CRACDL: variants seen among roughly 807,000 people sequenced by gnomAD.
CRACDL encodes the protein CRACD like, also known as CRACD-like protein.
Under a neutral mutation model 70.6 loss-of-function variants are expected in CRACDL, and 26 were observed. The ratio of observed to expected loss-of-function variants is 0.37; its 90% CI spans 0.27 to 0.51. CRACDL has a LOEUF of 0.51. Among genes scored for constraint, CRACDL ranks in the 20% least tolerant of loss-of-function variants. The probability of loss-of-function intolerance (pLI) is 0.94; values close to 1 mark genes in which losing one functional copy is unlikely to be tolerated. For missense variants in CRACDL, 1,283 were observed against 1,376.9 expected (o/e 0.93, Z 1.08); for synonymous variants, 618 against 615.2 (o/e 1.00, Z -0.07).
intron 1 of CRACDL, among the ~76,000 whole-genome samples, chr2:98,884,709 A>T (rs1181268474): frequency 6.6e-6 from 1 of 151,946 alleles, no homozygotes; most frequent in Non-Finnish European, 1.5e-5. Flanking sequence ...GTGTTCCCTC[A>T]CTCCTGCTAT....
intron 1 of CRACDL, among the ~76,000 whole-genome samples, chr2:98,861,701 C>T (rs1706944027): frequency 6.6e-6 from 1 of 152,126 alleles, no homozygotes; most frequent in Non-Finnish European, 1.5e-5. Flanking sequence ...CAGAATCTGT[C>T]TGATGTAATT....
At chr2:98,827,273 C>T (rs1705345475) in intron 5 of CRACDL, 104 bp from the exon 6 acceptor site, 2 of 754,082 alleles carry the variant, frequency 2.7e-6, no homozygotes, top group East Asian at 5.1e-5. Flanking sequence ...TCTTCCCACA[C>T]TGTCTCTGGC....
At position 98,823,024 on chromosome 2, in the gene CRACDL, C is replaced by A; in HGVS notation, c.1249G>T (p.Asp417Tyr). ...PEGDTTPPET[D>Y]PAATSEAPSA... The stretch of plus-strand genomic sequence containing the variant: ...GGCGCCTCTGAGGTGGCGGCGGGGT[C>A]AGTCTCGGGGGGAGTCGTGTCCCCC... Residue 417 changes from aspartate to tyrosine, a missense_variant, in exon 7 of 10, where the codon GAC (aspartate) becomes TAC (tyrosine). Coordinates refer to ENST00000397899, the MANE Select transcript of CRACDL (RefSeq NM_207362.3). The surrounding 1 kb of genome is among the most constrained non-coding windows in gnomAD (Gnocchi z 4.0). The A allele has an allele frequency of 6.6e-7, 1 of 1,524,476 alleles. No individual in the cohort carries two copies. The highest frequency in any genetic ancestry group is 8.8e-7 in the Non-Finnish European group (1 of 1,136,298). The allele number at this position is 1,524,476 out of a possible 1,614,324, so 94.4% of individuals were successfully genotyped here. A position where few individuals can be genotyped will look rare whatever the true frequency, so the allele number is the denominator to read the frequency against.
chr2:98,890,989 G>A (rs1024821167), intron 1 of CRACDL, among the ~76,000 whole-genome samples: 6 of 151,752 alleles, frequency 4.0e-5, no homozygotes, highest in African/African-American at 1.5e-4. Context: ...CCCAGGAGAT[G>A]GAGGTTGCAG....
intron 1 of CRACDL, among the ~76,000 whole-genome samples, chr2:98,924,406 C>G (rs1488705109): frequency 6.6e-6 from 1 of 152,222 alleles, no homozygotes; most frequent in Non-Finnish European, 1.5e-5. Flanking sequence ...CAAAGATAAT[C>G]ATTTCTGCTT....
rs532450272 is a variant in CRACDL at position 98,902,063 on chromosome 2, G to T, written c.-11+33875C>A. Among the ~76,000 whole-genome samples, 12 of 152,268 alleles carry T rather than the reference G, an allele frequency of 7.9e-5. No homozygotes were observed. The South Asian group carries it at 1.9e-3, about 24-fold the overall frequency. On this transcript the variant is annotated intron_variant, in intron 1 of 9. Coordinates refer to ENST00000397899, the MANE Select transcript of CRACDL (RefSeq NM_207362.3). ...AAAAGGCCATTCTCCACTGTAAAAAGTTCCAAAGGTCTACAAAGGGAACAA... is the reference window on the plus strand; with the variant it reads ...AAAAGGCCATTCTCCACTGTAAAAATTTCCAAAGGTCTACAAAGGGAACAA...
At chr2:98,931,340 A>AG (rs1247987066) in intron 1 of CRACDL, among the ~76,000 whole-genome samples, 1 of 151,512 alleles carries the variant, frequency 6.6e-6, no homozygotes, top group East Asian at 1.9e-4. Flanking sequence ...AAAAAAAAAA[A>AG]AAAAAGACAC....
At chr2:98,797,253 C>T (rs1282108753) in intron 8 of CRACDL, 97 bp downstream of exon 8, 3 of 1,140,396 alleles carry the variant, frequency 2.6e-6, no homozygotes, top group Non-Finnish European at 3.8e-6. Context: ...CCCTGTGACG[C>T]CCATGCAGCA....
chr2:98,798,491 C>CA (rs1043306546), intron 7 of CRACDL, among the ~76,000 whole-genome samples: 15 of 123,282 alleles, frequency 1.2e-4, no homozygotes, highest in African/African-American at 3.3e-4. Context: ...CACTCTGTCT[C>CA]AAAAAAAAGA....
intron 1 of CRACDL, among the ~76,000 whole-genome samples, chr2:98,889,070 G>C (rs1211110629): frequency 6.7e-6 from 1 of 149,976 alleles, no homozygotes; most frequent in Non-Finnish European, 1.5e-5. Context: ...AGAGGTTGCA[G>C]AGAGCCGAGA....
chr2:98,897,837 A>G (rs1347767864), intron 1 of CRACDL, among the ~76,000 whole-genome samples: 3 of 152,244 alleles, frequency 2.0e-5, no homozygotes, highest in African/African-American at 7.2e-5. Flanking sequence ...AAACAGAGAC[A>G]GGGGGTGCAG....
intron 8 of CRACDL, 114 bp downstream of exon 8, chr2:98,797,236 T>A: frequency 2.1e-6 from 2 of 944,488 alleles, no homozygotes; most frequent in Non-Finnish European, 3.2e-6. Flanking sequence ...CCATCACAGG[T>A]GACGGTCCCT....
intron 1 of CRACDL, among the ~76,000 whole-genome samples, chr2:98,934,316 G>A (rs576136213): frequency 4.2e-4 from 63 of 150,792 alleles, no homozygotes; most frequent in African/African-American, 1.5e-3. Context: ...CCCCTGCCTC[G>A]GCCTCCCGAG....
intron 1 of CRACDL, among the ~76,000 whole-genome samples, chr2:98,930,121 G>T (rs139697960): frequency 1.5e-4 from 23 of 152,186 alleles, no homozygotes; most frequent in Admixed American, 1.4e-3. Context: ...AACCATCCCT[G>T]TGTCTCTCCA....
At chr2:98,813,091 A>G (rs1704640325) in intron 7 of CRACDL, among the ~76,000 whole-genome samples, 1 of 152,184 alleles carries the variant, frequency 6.6e-6, no homozygotes, top group Non-Finnish European at 1.5e-5. Context: ...CCTATGCTTC[A>G]GGACCATTTG....
At chr2:98,848,106 T>C (rs1706336132) in intron 1 of CRACDL, among the ~76,000 whole-genome samples, 1 of 152,220 alleles carries the variant, frequency 6.6e-6, no homozygotes, top group African/African-American at 2.4e-5. Context: ...TCATTATCTA[T>C]AAAATGAGGG....
In CRACDL at chr2:98,822,612, CTCTCGGCGCCCGCCGGTGGCGCCT is replaced by C; in HGVS notation, c.1637_1660del (p.Glu546_Arg554delinsGly). ...CTCCGCCTTCCGCTCTGGCGCCGCCCTCTCGGCGCCCGCCGGTGGCGCCTCGGCTCGCTCGGCCTTGGGGCGCTC... is the reference window on the plus strand; with the variant it reads ...CTCCGCCTTCCGCTCTGGCGCCGCCCCGGCTCGCTCGGCCTTGGGGCGCTC... On this transcript the variant is annotated inframe_deletion, in exon 7 of 10. Coordinates refer to ENST00000397899, the MANE Select transcript of CRACDL (RefSeq NM_207362.3). This position sits in a 1 kb window ranked among gnomAD's most constrained non-coding sequence, Gnocchi z 4.9. The C allele has an allele frequency of 2.2e-6, 3 of 1,378,988 alleles. No individual in the cohort carries two copies. The highest frequency in any genetic ancestry group is 1.9e-6 in the Non-Finnish European group (2 of 1,075,264). 85.4% of individuals were successfully genotyped at this position (1,378,988 alleles called of 1,614,324 possible).
rs182938590 is a variant in CRACDL, at chr2:98,817,603, C to G, written c.2416+4254G>C. ...CACTCCTCCAGCATCCAGCTACCAC[C>G]TGCCTTCTCTGTGCAATAAACTCTG... On this transcript the variant is annotated intron_variant, in intron 7 of 9. Coordinates refer to ENST00000397899, the MANE Select transcript of CRACDL (RefSeq NM_207362.3). 3.3e-3 allele frequency among the ~76,000 whole-genome samples: 504 copies of G among 152,328 alleles called. 4 individuals carry two copies. The highest frequency in any genetic ancestry group is 0.012 in the African/African-American group (493 of 41,566).
intron 7 of CRACDL, among the ~76,000 whole-genome samples, chr2:98,806,407 G>A (rs1387551478): frequency 6.6e-6 from 1 of 152,262 alleles, no homozygotes; most frequent in African/African-American, 2.4e-5. Flanking sequence ...CTCTTTTCCT[G>A]ACTTCTGGGA....
Sources: gnomAD v4.1 joint callset for allele counts (sites outside exome capture counted in the v4.1 genomes callset) on GRCh38, gnomAD v4.1.1 for gene constraint, Gnocchi (gnomAD v3.1) non-coding constraint, MANE v1.5 for transcripts, NCBI Gene and HGNC (gene_info 2026-07-23, HGNC 2026-07-21) for gene names.